Variants in MAGI2 observed in about 807,000 individuals in gnomAD.
MAGI2 encodes membrane-associated guanylate kinase, WW and PDZ domain-containing protein 2.
Under a neutral mutation model 133.3 loss-of-function variants are expected in MAGI2, and 35 were observed. The ratio of observed to expected loss-of-function variants is 0.26; its 90% CI spans 0.20 to 0.35. The LOEUF (loss-of-function observed/expected upper bound fraction) is 0.35, where lower values mean the gene tolerates loss of function less well. MAGI2 is among the 10% of genes least tolerant of loss of function. The pLI, the probability that MAGI2 is intolerant of heterozygous loss-of-function variation, is 1.00. For missense variants in MAGI2, 1,636 were observed against 1,863.4 expected, an observed-to-expected ratio of 0.88 and a Z score of 2.25; for synonymous variants, 729 against 710.6, an observed-to-expected ratio of 1.03 and a Z score of -0.41.
intron 1 of MAGI2, among the ~76,000 whole-genome samples, chr7:79,303,110 A>C (rs1250514081): frequency 6.6e-6 from 1 of 152,160 alleles, no homozygotes; most frequent in Admixed American, 6.5e-5. Context: ...ATAATTAAGC[A>C]CCATATACAA....
At chr7:78,552,512 A>G (rs544799617) in intron 3 of MAGI2, among the ~76,000 whole-genome samples, 3 of 152,280 alleles carry the variant, frequency 2.0e-5, no homozygotes, top group African/African-American at 7.2e-5. Context: ...AATACATTAC[A>G]TGAAAACGTG....
chr7:79,025,151 T>C (rs894581588), intron 1 of MAGI2, among the ~76,000 whole-genome samples: 1 of 139,148 alleles, frequency 7.2e-6, no homozygotes, highest in Non-Finnish European at 1.6e-5. Context: ...GATACCTATA[T>C]ACCATGGAAT....
rs77602709 is a variant in MAGI2 at position 79,106,490 on chromosome 7, T to A, written c.302-99284A>T. 2.3e-3 allele frequency among the ~76,000 whole-genome samples: 352 copies of A among 152,294 alleles called. 6 individuals are homozygous for A. In the East Asian group the frequency reaches 0.034, roughly 15 times the overall value. On this transcript the variant is annotated intron_variant, in intron 1 of 21. Coordinates refer to ENST00000354212, the MANE Select transcript of MAGI2 (RefSeq NM_012301.4). ...TAAAATGTTAAAGTTTGTGATTGAA[T>A]CAGGAAGAAAAATATGATAAAATAT...
chr7:78,434,748 T>A (rs969545910), intron 6 of MAGI2, among the ~76,000 whole-genome samples: 1 of 151,986 alleles, frequency 6.6e-6, no homozygotes, highest in Non-Finnish European at 1.5e-5. Flanking sequence ...ATTGGAGATA[T>A]AGAAAAATTG....
At chr7:79,074,728 T>C (rs1397968510) in intron 1 of MAGI2, among the ~76,000 whole-genome samples, 2 of 152,224 alleles carry the variant, frequency 1.3e-5, no homozygotes, top group African/African-American at 2.4e-5. Flanking sequence ...TTCTGATCAA[T>C]ACATGTTGTC....
chr7:78,763,939 C>G (rs1250450014), intron 2 of MAGI2, among the ~76,000 whole-genome samples: 2 of 152,076 alleles, frequency 1.3e-5, no homozygotes, highest in African/African-American at 2.4e-5. Flanking sequence ...TTTGTTTATT[C>G]TTTTCAGGGT....
chr7:78,076,905 G>A (rs544414540), intron 21 of MAGI2, among the ~76,000 whole-genome samples: 6 of 140,936 alleles, frequency 4.3e-5, no homozygotes, highest in Non-Finnish European at 7.7e-5. Context: ...ATGTTGACAC[G>A]ATCTTGAATT....
chr7:79,308,054 T>C (rs780385440), intron 1 of MAGI2, among the ~76,000 whole-genome samples: 4 of 152,164 alleles, frequency 2.6e-5, no homozygotes, highest in Admixed American at 6.6e-5. Flanking sequence ...TTGGAAACTG[T>C]TTATGAGTCA....
At chr7:79,368,296 T>C (rs1485758095) in intron 1 of MAGI2, among the ~76,000 whole-genome samples, 1 of 152,060 alleles carries the variant, frequency 6.6e-6, no homozygotes, top group Non-Finnish European at 1.5e-5. Context: ...GAAAGCTTTG[T>C]ACTTTCCCTA....
At chr7:78,421,728 T>C (rs1013350996) in intron 6 of MAGI2, among the ~76,000 whole-genome samples, 1 of 152,048 alleles carries the variant, frequency 6.6e-6, no homozygotes, top group Non-Finnish European at 1.5e-5. Flanking sequence ...TGATTGAGGC[T>C]GGGAGATTGA....
At chr7:78,589,700 C>T (rs988765733) in intron 3 of MAGI2, among the ~76,000 whole-genome samples, 4 of 152,192 alleles carry the variant, frequency 2.6e-5, no homozygotes, top group Admixed American at 2.0e-4. Flanking sequence ...ATTGCAAATG[C>T]TCCATGCACG....
intron 5 of MAGI2, among the ~76,000 whole-genome samples, chr7:78,496,591 T>TC (rs1463814212): frequency 4.6e-5 from 7 of 152,330 alleles, no homozygotes; most frequent in Admixed American, 1.3e-4. Flanking sequence ...TTACTTTTTT[T>TC]CTCAGCCAAT....
intron 2 of MAGI2, among the ~76,000 whole-genome samples, chr7:78,690,919 C>T (rs1315075749): frequency 6.6e-6 from 1 of 152,168 alleles, no homozygotes. Flanking sequence ...TGTAAAATGA[C>T]ACTGCATGCA....
At chr7:78,399,170 C>A (rs1237296517) in intron 6 of MAGI2, among the ~76,000 whole-genome samples, 1 of 152,046 alleles carries the variant, frequency 6.6e-6, no homozygotes, top group African/African-American at 2.4e-5. Context: ...TTGGATAACA[C>A]CAAGGAATAA....
intron 10 of MAGI2, among the ~76,000 whole-genome samples, chr7:78,215,961 A>AT (rs754690817): frequency 1.2e-4 from 18 of 152,158 alleles, no homozygotes; most frequent in Non-Finnish European, 2.2e-4. Context: ...TTTTGGCACA[A>AT]TTTTTCTGGT....
intron 1 of MAGI2, among the ~76,000 whole-genome samples, chr7:79,032,477 C>T (rs1309688160): frequency 6.8e-6 from 1 of 148,016 alleles, no homozygotes; most frequent in Non-Finnish European, 1.5e-5. Context: ...AAGATTGCAC[C>T]ATTGCACTCC....
At chr7:78,501,203 T>C (rs1241309707) in intron 5 of MAGI2, among the ~76,000 whole-genome samples, 2 of 152,186 alleles carry the variant, frequency 1.3e-5, no homozygotes, top group Non-Finnish European at 2.9e-5. Context: ...TTCCTCCAAC[T>C]AGCTTAGATA....
chr7:78,972,972 G>C (rs1240416056), intron 2 of MAGI2, among the ~76,000 whole-genome samples: 2 of 139,904 alleles, frequency 1.4e-5, no homozygotes, highest in Admixed American at 7.0e-5. Flanking sequence ...CACACACACA[G>C]AGTTTTCTTT....
intron 9 of MAGI2, among the ~76,000 whole-genome samples, chr7:78,272,570 A>AG (rs1794690263): frequency 6.6e-6 from 1 of 152,002 alleles, no homozygotes; most frequent in African/African-American, 2.4e-5. Context: ...ATTGTGTGAG[A>AG]GTCTAAGTCT....
Sources: allele counts gnomAD v4.1 joint callset (sites outside exome capture counted in the v4.1 genomes callset), GRCh38; gene constraint gnomAD v4.1.1; transcripts MANE v1.5; gene names NCBI Gene and HGNC (gene_info 2026-07-23, HGNC 2026-07-21).